The following SMURF2 variants were observed in gnomAD, a reference collection of about 807,000 sequenced individuals.
The protein encoded by SMURF2 is SMAD specific E3 ubiquitin protein ligase 2, also known as E3 ubiquitin-protein ligase SMURF2.
SMURF2 carries 48 observed loss-of-function variants against 109.6 expected under a neutral mutation model. That is an observed-to-expected ratio of 0.44 (90% confidence interval 0.35 to 0.56). The LOEUF is 0.56. Among genes scored for constraint, SMURF2 ranks in the 20% least tolerant of loss-of-function variants. The pLI is 0.01. For synonymous variants in SMURF2, 288 were observed against 317.1 expected (o/e 0.91, Z 0.97); for missense variants, 575 against 909.0 (o/e 0.63, Z 4.72).
At chr17:64,569,011 T>A (rs1969358168) in intron 10 of SMURF2, among the ~76,000 whole-genome samples, 1 of 133,354 alleles carries the variant, frequency 7.5e-6, no homozygotes, top group African/African-American at 2.9e-5. Flanking sequence ...CAAAAAAAAT[T>A]CCAGAACTAG....
chr17:64,552,938 A>C (rs1213602852), intron 15 of SMURF2, among the ~76,000 whole-genome samples: 1 of 152,128 alleles, frequency 6.6e-6, no homozygotes, highest in Non-Finnish European at 1.5e-5. Context: ...TCCTGACCTC[A>C]GGTGATCCAC....
Position 64,571,936 on chromosome 17 carries a change from C to T in SMURF2, c.878G>A (p.Cys293Tyr). Reference sequence around the variant, plus strand: ...AGGAGGCAATGGACCAAGCTCTTCACAATTGATGTTGCTAAGATCCCTGCA... The same window carrying T: ...AGGAGGCAATGGACCAAGCTCTTCATAATTGATGTTGCTAAGATCCCTGCA... ...RVPRDLSNIN[C>Y]EELGPLPPGW... The change falls in exon 10 of 19, where the codon TGT (cysteine) becomes TAT (tyrosine). Residue 293 changes from cysteine to tyrosine, a missense_variant. Cys to Tyr is a radical substitution (Grantham distance 194). Transcript: ENST00000262435. 1 of 1,612,394 alleles carries T rather than the reference C, an allele frequency of 6.2e-7. No homozygotes were observed. The highest frequency in any genetic ancestry group is 8.5e-7 in the Non-Finnish European group (1 of 1,179,388).
In SMURF2 at chr17:64,566,859, C is replaced by T. The variant is rs34537787; in HGVS notation, c.1017-3893G>A. 4.0e-4 allele frequency among the ~76,000 whole-genome samples: 59 copies of T among 148,330 alleles called. No individual in the cohort carries two copies. The East Asian group carries it at 9.6e-3, about 24-fold the overall frequency. The stretch of plus-strand genomic sequence containing the variant: ...CGCTGGGATTACAGGCGTGAGCCAT[C>T]GTGCCCCGCTGACAGAGAGTTTTTT... On this transcript the variant is annotated intron_variant, in intron 10 of 18. Transcript: ENST00000262435.
intron 2 of SMURF2, among the ~76,000 whole-genome samples, chr17:64,604,160 C>A (rs1250347344): frequency 6.6e-6 from 1 of 152,122 alleles, no homozygotes; most frequent in Non-Finnish European, 1.5e-5. Context: ...GACCTGCGAC[C>A]TTGGCCAGTG....
intron 10 of SMURF2, among the ~76,000 whole-genome samples, chr17:64,564,539 G>T (rs1969273941): frequency 6.6e-6 from 1 of 152,148 alleles, no homozygotes; most frequent in Non-Finnish European, 1.5e-5. Flanking sequence ...TTAAGGTGAG[G>T]TAAGATCATA....
Position 64,614,625 on chromosome 17 carries a change from C to A in SMURF2, c.53-7985G>T, listed in dbSNP as rs80167385. 4.0e-3 allele frequency among the ~76,000 whole-genome samples: 604 copies of A among 152,306 alleles called. 2 individuals are homozygous for A. The highest frequency in any genetic ancestry group is 0.01 in the Middle Eastern group (3 of 294). Reference sequence around the variant, plus strand: ...GTTTGAAATGATTAGCAGAGATGATCAAAATGAACTGACATCAGCCATATT... The same window carrying A: ...GTTTGAAATGATTAGCAGAGATGATAAAAATGAACTGACATCAGCCATATT... On this transcript the variant is annotated intron_variant, in intron 1 of 18. Transcript: ENST00000262435.
chr17:64,597,035 T>C (rs1262674558), intron 3 of SMURF2, among the ~76,000 whole-genome samples: 3 of 152,200 alleles, frequency 2.0e-5, no homozygotes, highest in African/African-American at 7.2e-5. Context: ...AAAAGGTTCA[T>C]ATAATTATAT....
At chr17:64,619,721 C>G (rs1970178101) in intron 1 of SMURF2, among the ~76,000 whole-genome samples, 1 of 151,968 alleles carries the variant, frequency 6.6e-6, no homozygotes, top group African/African-American at 2.4e-5. Flanking sequence ...ATAATCTCTC[C>G]CATGTCTCCT....
At chr17:64,636,371 G>A (rs782214585) in intron 1 of SMURF2, among the ~76,000 whole-genome samples, 5 of 152,238 alleles carry the variant, frequency 3.3e-5, no homozygotes, top group Middle Eastern at 6.8e-3. Flanking sequence ...GGGAGGCTGA[G>A]GTTGGTGGAT....
chr17:64,582,207 T>G (rs914456469), intron 7 of SMURF2, among the ~76,000 whole-genome samples: 41 of 152,172 alleles, frequency 2.7e-4, no homozygotes, highest in Admixed American at 2.0e-4. Context: ...ACCTGAGAAT[T>G]ATAATGTAAA....
intron 1 of SMURF2, among the ~76,000 whole-genome samples, chr17:64,659,385 A>T (rs2144743138): frequency 6.6e-6 from 1 of 152,286 alleles, no homozygotes; most frequent in East Asian, 1.9e-4. Context: ...CCAAATATAA[A>T]TTCACTGTGG....
Position 64,547,515 on chromosome 17 carries a change from T to G in SMURF2, c.2071+85A>C. ...GTGAAAAAGAGAATCTCTAAGCACA[T>G]GGTTTACAAAATATCTCCACAGACC... On this transcript the variant is annotated intron_variant, in intron 17 of 18. Transcript: ENST00000262435. The surrounding 1 kb of genome is among the most constrained non-coding windows in gnomAD (Gnocchi z 4.2). The G allele has an allele frequency of 8.9e-7, 1 of 1,124,276 alleles. No homozygotes were observed. The highest frequency in any genetic ancestry group is 1.3e-6 in the Non-Finnish European group (1 of 747,800). 69.6% of individuals were successfully genotyped at this position (1,124,276 alleles called of 1,614,324 possible).
chr17:64,589,614 C>T (rs1555687480), intron 5 of SMURF2, among the ~76,000 whole-genome samples: 1 of 151,806 alleles, frequency 6.6e-6, no homozygotes, highest in African/African-American at 2.4e-5. Flanking sequence ...ATTAGATTCT[C>T]ATAGGAGCAC....
At chr17:64,650,353 T>TG (rs201043514) in intron 1 of SMURF2, among the ~76,000 whole-genome samples, 4 of 151,538 alleles carry the variant, frequency 2.6e-5, no homozygotes, top group African/African-American at 4.9e-5. Context: ...TTTTGTTTTT[T>TG]TTTTTGGTAT....
intron 1 of SMURF2, among the ~76,000 whole-genome samples, chr17:64,640,550 TA>T (rs1970480997): frequency 6.6e-6 from 1 of 152,182 alleles, no homozygotes; most frequent in Admixed American, 6.5e-5. Flanking sequence ...AGCAAGGAAG[TA>T]AAATCATCCA....
At chr17:64,604,514 C>T (rs898751814) in intron 2 of SMURF2, among the ~76,000 whole-genome samples, 10 of 151,950 alleles carry the variant, frequency 6.6e-5, no homozygotes, top group African/African-American at 1.9e-4. Context: ...GTAAGAATAT[C>T]TGGATATTTT....
At position 64,583,617 on chromosome 17, in the gene SMURF2, A is replaced by AT. The variant is rs1467271010; in HGVS notation, c.486-74_486-73insA. ...ACAGTGCAACAAGCAAGCCAGTAAG[A>AT]CATCTGCTGTTACAAATCGGGAATG... On this transcript the variant is annotated intron_variant, in intron 6 of 18. Transcript: ENST00000262435. 6.5e-6 allele frequency: 7 copies of AT among 1,079,238 alleles called. No individual in the cohort carries two copies. In the East Asian group the frequency reaches 1.7e-4, roughly 26 times the overall value. 66.9% of individuals were successfully genotyped at this position (1,079,238 alleles called of 1,614,324 possible). A position where few individuals can be genotyped will look rare whatever the true frequency, so the allele number is the denominator to read the frequency against.
At chr17:64,586,051 A>G in intron 6 of SMURF2, 35 bp downstream of exon 6, 1 of 1,371,956 alleles carries the variant, frequency 7.3e-7, no homozygotes, top group Non-Finnish European at 1.0e-6. Flanking sequence ...TATTATCTAT[A>G]TATTTCTCTA....
At chr17:64,587,301 T>C (rs1434674729) in intron 5 of SMURF2, among the ~76,000 whole-genome samples, 1 of 152,206 alleles carries the variant, frequency 6.6e-6, no homozygotes, top group African/African-American at 2.4e-5. Context: ...TTATCCAGTG[T>C]AGTATAAAAC....
Sources: allele counts gnomAD v4.1 joint callset (sites outside exome capture counted in the v4.1 genomes callset), GRCh38; gene constraint gnomAD v4.1.1; non-coding constraint Gnocchi (gnomAD v3.1); transcripts MANE v1.5; gene names NCBI Gene and HGNC (gene_info 2026-07-23, HGNC 2026-07-21).